RPS6KC1: variants seen among roughly 807,000 people sequenced by gnomAD.
RPS6KC1 encodes the protein inactive ribosomal protein S6 kinase delta-1.
RPS6KC1 carries 54 observed loss-of-function variants against 103.8 expected under a neutral mutation model. The ratio of observed to expected loss-of-function variants is 0.52; its 90% CI spans 0.42 to 0.65. RPS6KC1 has a LOEUF of 0.65. Among genes scored for constraint, RPS6KC1 ranks in the 30% least tolerant of loss-of-function variants. The pLI, the probability that RPS6KC1 is intolerant of heterozygous loss-of-function variation, is 0.00. For missense variants in RPS6KC1, 1,151 were observed against 1,253.8 expected (o/e 0.92, Z 1.24); for synonymous variants, 439 against 438.7 (o/e 1.00, Z -0.01).
At chr1:213,132,476 A>G (rs2085755125) in intron 6 of RPS6KC1, among the ~76,000 whole-genome samples, 1 of 152,204 alleles carries the variant, frequency 6.6e-6, no homozygotes, top group South Asian at 2.1e-4. Flanking sequence ...TGTCAAATGT[A>G]AGATCAGGAC....
chr1:213,726,025 T>A, the RPS6KC1 span, among the ~76,000 whole-genome samples: 1 of 152,226 alleles, frequency 6.6e-6, no homozygotes, highest in African/African-American at 2.4e-5. Flanking sequence ...CCATATTTTC[T>A]ACTCCATTGA....
At chr1:213,242,468 T>G in intron 11 of RPS6KC1, 101 bp from the exon 12 acceptor site, 3 of 1,124,874 alleles carry the variant, frequency 2.7e-6, no homozygotes, top group Non-Finnish European at 4.0e-6. Flanking sequence ...CCATTATTCT[T>G]AATGATACTG....
the RPS6KC1 span, among the ~76,000 whole-genome samples, chr1:213,424,827 C>A: frequency 6.6e-6 from 1 of 152,214 alleles, no homozygotes; most frequent in Admixed American, 6.5e-5. Context: ...TTCTTCCCTA[C>A]CTGTTATATT....
At chr1:213,295,229 T>TGAA in the RPS6KC1 span, among the ~76,000 whole-genome samples, 1 of 152,176 alleles carries the variant, frequency 6.6e-6, no homozygotes, top group Non-Finnish European at 1.5e-5. Flanking sequence ...TTCACTGCAG[T>TGAA]ATTTGTATTT....
chr1:213,835,096 G>A, the RPS6KC1 span, among the ~76,000 whole-genome samples: 88 of 152,282 alleles, frequency 5.8e-4, no homozygotes, highest in Middle Eastern at 0.017. Flanking sequence ...TCTCAAAATC[G>A]AAATTAAATT....
intron 3 of RPS6KC1, among the ~76,000 whole-genome samples, chr1:213,082,017 C>T (rs932100674): frequency 6.6e-6 from 1 of 152,110 alleles, no homozygotes; most frequent in South Asian, 2.1e-4. Context: ...ATTTGTTACC[C>T]AGCAATAACT....
chr1:213,611,162 C>T, the RPS6KC1 span, among the ~76,000 whole-genome samples: 2 of 152,116 alleles, frequency 1.3e-5, no homozygotes, highest in Non-Finnish European at 2.9e-5. Context: ...ACTTCTTTCC[C>T]ACTTTATTTT....
intron 14 of RPS6KC1, among the ~76,000 whole-genome samples, chr1:213,268,698 CAAAG>C (rs1378044685): frequency 2.7e-5 from 4 of 149,618 alleles, no homozygotes; most frequent in East Asian, 2.0e-4. Flanking sequence ...CAATAATAGA[CAAAG>C]GAAGGGGGCT....
intron 4 of RPS6KC1, among the ~76,000 whole-genome samples, chr1:213,105,748 G>A (rs1416084910): frequency 6.6e-6 from 1 of 152,144 alleles, no homozygotes; most frequent in East Asian, 1.9e-4. Flanking sequence ...ATGGCCCTAT[G>A]CAGATCTTTA....
At chr1:213,195,553 T>A (rs1367992779) in intron 8 of RPS6KC1, among the ~76,000 whole-genome samples, 1 of 152,210 alleles carries the variant, frequency 6.6e-6, no homozygotes, top group African/African-American at 2.4e-5. Context: ...TTTTGGTGCA[T>A]CTATCACCTG....
the RPS6KC1 span, among the ~76,000 whole-genome samples, chr1:213,687,622 G>C: frequency 6.6e-6 from 1 of 152,168 alleles, no homozygotes; most frequent in African/African-American, 2.4e-5. Context: ...TGGTAGATGG[G>C]TGGATGGTTG....
chr1:213,340,517 G>A, the RPS6KC1 span, among the ~76,000 whole-genome samples: 1 of 152,162 alleles, frequency 6.6e-6, no homozygotes, highest in East Asian at 1.9e-4. Context: ...TAATTAGGGA[G>A]CTACTTGGAA....
intron 8 of RPS6KC1, among the ~76,000 whole-genome samples, chr1:213,208,026 C>G (rs544886412): frequency 6.6e-6 from 1 of 152,244 alleles, no homozygotes; most frequent in South Asian, 2.1e-4. Context: ...TTTATAGACA[C>G]AAATTATCAA....
chr1:213,242,488 A>G, intron 11 of RPS6KC1, 81 bp from the exon 12 acceptor site: 2 of 1,208,590 alleles, frequency 1.7e-6, no homozygotes, highest in Non-Finnish European at 2.4e-6. Context: ...GTTTTTAGCT[A>G]CAAAAGGAGT....
chr1:213,614,912 G>A, the RPS6KC1 span, among the ~76,000 whole-genome samples: 1 of 152,090 alleles, frequency 6.6e-6, no homozygotes, highest in African/African-American at 2.4e-5. Flanking sequence ...GTCTTATGAT[G>A]TTGCCTGGGC....
At chr1:213,213,033 C>T (rs958696911) in intron 8 of RPS6KC1, among the ~76,000 whole-genome samples, 5 of 152,124 alleles carry the variant, frequency 3.3e-5, no homozygotes, top group South Asian at 2.1e-4. Context: ...ATTCTCTTGA[C>T]ATTGTTTTTC....
chr1:213,199,143 T>C (rs1229252690), intron 8 of RPS6KC1, among the ~76,000 whole-genome samples: 1 of 152,218 alleles, frequency 6.6e-6, no homozygotes, highest in Admixed American at 6.5e-5. Flanking sequence ...ACTCATTTTA[T>C]GAGGTCAGTA....
At chr1:213,066,664 A>G (rs1182808656) in intron 1 of RPS6KC1, among the ~76,000 whole-genome samples, 1 of 152,182 alleles carries the variant, frequency 6.6e-6, no homozygotes, top group African/African-American at 2.4e-5. Flanking sequence ...GCAGTCAAGG[A>G]GATGTCTCAG....
At chr1:213,844,060 A>T in the RPS6KC1 span, among the ~76,000 whole-genome samples, 2 of 152,166 alleles carry the variant, frequency 1.3e-5, no homozygotes, top group African/African-American at 4.8e-5. Flanking sequence ...ATGGAAGAAG[A>T]GTATTCATGT....
Sources: gnomAD v4.1 joint callset for allele counts (sites outside exome capture counted in the v4.1 genomes callset) on GRCh38, gnomAD v4.1.1 for gene constraint, MANE v1.5 for transcripts, NCBI Gene and HGNC (gene_info 2026-07-23, HGNC 2026-07-21) for gene names.